ELP4: variants seen among roughly 807,000 people sequenced by gnomAD.
ELP4 encodes the protein elongator acetyltransferase complex subunit 4.
ELP4 carries 51 observed loss-of-function variants against 48.9 expected under a neutral mutation model. The ratio of observed to expected loss-of-function variants is 1.04; its 90% CI spans 0.83 to 1.32. The LOEUF (loss-of-function observed/expected upper bound fraction) is 1.32. ELP4 is among the 40% of genes most tolerant of loss of function. The probability of loss-of-function intolerance (pLI) is 0.00; values close to 1 mark genes in which losing one functional copy is unlikely to be tolerated. For synonymous variants in ELP4, 210 were observed against 189.2 expected (o/e 1.11, Z -0.90); for missense variants, 519 against 514.6 (o/e 1.01, Z -0.08).
intron 9 of ELP4, among the ~76,000 whole-genome samples, chr11:31,694,221 A>T (rs1175093127): frequency 6.6e-6 from 1 of 152,014 alleles, no homozygotes; most frequent in African/African-American, 2.4e-5. Context: ...GGTGTTTTAG[A>T]CATGAAGTCC....
At chr11:31,544,856 G>A (rs546182992) in intron 3 of ELP4, among the ~76,000 whole-genome samples, 62 of 152,296 alleles carry the variant, frequency 4.1e-4, no homozygotes, top group African/African-American at 1.4e-3. Flanking sequence ...AAAAACCACT[G>A]TTCTGCAGCC....
At chr11:31,743,783 C>T (rs537726176) in intron 9 of ELP4, among the ~76,000 whole-genome samples, 1 of 151,844 alleles carries the variant, frequency 6.6e-6, no homozygotes, top group East Asian at 1.9e-4. Context: ...TAAATGCCCA[C>T]AAAAGAAAGC....
chr11:31,688,091 A>G (rs1257719672), intron 9 of ELP4, among the ~76,000 whole-genome samples: 1 of 152,204 alleles, frequency 6.6e-6, no homozygotes, highest in Non-Finnish European at 1.5e-5. Context: ...GCAAGAGGTT[A>G]TTTATGTTTT....
intron 9 of ELP4, among the ~76,000 whole-genome samples, chr11:31,742,482 G>T (rs1051553408): frequency 1.3e-5 from 2 of 152,168 alleles, no homozygotes; most frequent in South Asian, 4.1e-4. Flanking sequence ...AGGAAAAAAT[G>T]TTAAGGGCAG....
chr11:31,591,131 G>C (rs1957562279), intron 3 of ELP4, among the ~76,000 whole-genome samples: 1 of 152,128 alleles, frequency 6.6e-6, no homozygotes, highest in South Asian at 2.1e-4. Context: ...ATAAGGGCCA[G>C]ACACAGTGCT....
At chr11:31,519,597 G>C (rs1956178436) in intron 1 of ELP4, among the ~76,000 whole-genome samples, 1 of 152,190 alleles carries the variant, frequency 6.6e-6, no homozygotes, top group Non-Finnish European at 1.5e-5. Flanking sequence ...GCCCAAGGCA[G>C]GTGGATCACG....
intron 2 of ELP4, among the ~76,000 whole-genome samples, chr11:31,537,700 G>T (rs1956523920): frequency 6.6e-6 from 1 of 152,036 alleles, no homozygotes; most frequent in South Asian, 2.1e-4. Flanking sequence ...TAAACAACCA[G>T]ATCTCATGAT....
chr11:31,710,186 T>C (rs1290904826), intron 9 of ELP4, among the ~76,000 whole-genome samples: 1 of 152,232 alleles, frequency 6.6e-6, no homozygotes. Context: ...AGGGGGAAAT[T>C]ACTGTTGGCC....
At chr11:31,740,775 G>A (rs191389803) in intron 9 of ELP4, among the ~76,000 whole-genome samples, 12 of 152,302 alleles carry the variant, frequency 7.9e-5, no homozygotes, top group African/African-American at 2.2e-4. Context: ...CAAGATGGCC[G>A]AATAGGAACA....
chr11:31,524,558 T>C (rs750902546), intron 2 of ELP4, among the ~76,000 whole-genome samples: 13 of 152,206 alleles, frequency 8.5e-5, no homozygotes, highest in Non-Finnish European at 1.9e-4. Flanking sequence ...GGGGAAGAGA[T>C]ACACAAAGGC....
chr11:31,627,247 A>C, intron 6 of ELP4, 53 bp downstream of exon 6: 1 of 91,660 alleles, frequency 1.1e-5, no homozygotes, highest in Non-Finnish European at 2.8e-5. Context: ...GTTGTTTTCA[A>C]ATTCTCTGGG....
At chr11:31,523,482 A>T (rs1168315734) in intron 2 of ELP4, among the ~76,000 whole-genome samples, 2 of 152,324 alleles carry the variant, frequency 1.3e-5, no homozygotes, top group African/African-American at 2.4e-5. Context: ...ATACCTGTGC[A>T]TGAGTGTGGG....
At chr11:31,557,521 A>T (rs1367143658) in intron 3 of ELP4, among the ~76,000 whole-genome samples, 2 of 152,012 alleles carry the variant, frequency 1.3e-5, no homozygotes, top group Non-Finnish European at 2.9e-5. Context: ...AAAAATTAGA[A>T]GTCTGAACAC....
At chr11:31,645,613 A>T (rs1242120942) in intron 7 of ELP4, 1 of 151,800 alleles carries the variant, frequency 6.6e-6, no homozygotes, top group African/African-American at 2.4e-5. Context: ...TTAGTTTCAG[A>T]TATTTAGATA....
At chr11:31,516,907 C>G (rs1268002789) in intron 1 of ELP4, among the ~76,000 whole-genome samples, 1 of 152,072 alleles carries the variant, frequency 6.6e-6, no homozygotes, top group Non-Finnish European at 1.5e-5. Flanking sequence ...TATGAAGGAA[C>G]CTGTCTGAAT....
chr11:31,586,439 G>A (rs7928103), intron 3 of ELP4, among the ~76,000 whole-genome samples: 3,015 of 152,246 alleles, frequency 0.02, 93 homozygotes, highest in African/African-American at 0.068. Context: ...GTTGAAGGAA[G>A]AGTTTTTCAA....
At chr11:31,699,736 G>A (rs1002996368) in intron 9 of ELP4, among the ~76,000 whole-genome samples, 2 of 152,116 alleles carry the variant, frequency 1.3e-5, no homozygotes, top group Non-Finnish European at 2.9e-5. Flanking sequence ...AATATGACCA[G>A]ATGATCAAGG....
chr11:31,571,173 A>G (rs867256381), intron 3 of ELP4, among the ~76,000 whole-genome samples: 1 of 152,166 alleles, frequency 6.6e-6, no homozygotes, highest in African/African-American at 2.4e-5. Context: ...GACAAACACA[A>G]TGGGAATCAA....
At chr11:31,766,670 A>T (rs1390519835) in intron 9 of ELP4, among the ~76,000 whole-genome samples, 2 of 152,080 alleles carry the variant, frequency 1.3e-5, no homozygotes, top group Non-Finnish European at 1.5e-5. Context: ...GGATGCAAAC[A>T]CCTATAGATA....
Sources: allele counts gnomAD v4.1 joint callset (sites outside exome capture counted in the v4.1 genomes callset), GRCh38; gene constraint gnomAD v4.1.1; transcripts MANE v1.5; gene names NCBI Gene and HGNC (gene_info 2026-07-23, HGNC 2026-07-21).